INPP4B: variants seen among roughly 807,000 people sequenced by gnomAD.
INPP4B encodes inositol polyphosphate 4-phosphatase type II.
In INPP4B, 55 loss-of-function variants were observed where a neutral mutation model predicts 122.5. The observed-to-expected ratio is 0.45, with a 90% confidence interval of 0.36 to 0.56. The LOEUF is 0.56. Among genes scored for constraint, INPP4B ranks in the 20% least tolerant of loss-of-function variants. The pLI, the probability that INPP4B is intolerant of heterozygous loss-of-function variation, is 0.00. For synonymous variants in INPP4B, 403 were observed against 388.7 expected, an observed-to-expected ratio of 1.04 and a Z score of -0.43; for missense variants, 1,000 against 1,097.7, an observed-to-expected ratio of 0.91 and a Z score of 1.26.
chr4:142,248,217 C>T (rs577046797), intron 11 of INPP4B, among the ~76,000 whole-genome samples: 3 of 152,172 alleles, frequency 2.0e-5, no homozygotes, highest in East Asian at 1.9e-4. Context: ...CATCTATATC[C>T]AGACTCCAAG....
intron 10 of INPP4B, among the ~76,000 whole-genome samples, chr4:142,264,135 C>T (rs1323179999): frequency 6.6e-6 from 1 of 151,976 alleles, no homozygotes; most frequent in Non-Finnish European, 1.5e-5. Context: ...TAAATAGGGT[C>T]GCTTTGTTGC....
At chr4:142,741,188 C>A (rs920198837) in intron 1 of INPP4B, among the ~76,000 whole-genome samples, 53 of 151,866 alleles carry the variant, frequency 3.5e-4, no homozygotes, top group African/African-American at 1.2e-3. Flanking sequence ...GTAATTTATA[C>A]AGAAAAGAGA....
At chr4:142,450,777 T>G (rs1813970710) in intron 3 of INPP4B, among the ~76,000 whole-genome samples, 2 of 152,180 alleles carry the variant, frequency 1.3e-5, no homozygotes, top group Non-Finnish European at 2.9e-5. Context: ...AACACAGATG[T>G]GTACTGGAGT....
intron 6 of INPP4B, 74 bp downstream of exon 6, chr4:142,405,132 A>C: frequency 1.2e-6 from 1 of 803,176 alleles, no homozygotes; most frequent in Non-Finnish European, 2.1e-6. Context: ...GGGGAGGGAG[A>C]GAGAGAGCAA....
intron 7 of INPP4B, among the ~76,000 whole-genome samples, chr4:142,391,609 CA>C (rs1046773697): frequency 1.3e-5 from 2 of 151,592 alleles, no homozygotes; most frequent in Admixed American, 1.3e-4. Flanking sequence ...AACAAACAAA[CA>C]AAAAAAACCA....
intron 12 of INPP4B, among the ~76,000 whole-genome samples, chr4:142,226,514 CT>C (rs1231559842): frequency 2.0e-5 from 3 of 152,148 alleles, no homozygotes; most frequent in African/African-American, 7.2e-5. Flanking sequence ...CTACTCTTCC[CT>C]TCCTAAAAGA....
At chr4:142,794,349 T>G (rs1776951115) in intron 1 of INPP4B, among the ~76,000 whole-genome samples, 1 of 151,872 alleles carries the variant, frequency 6.6e-6, no homozygotes, top group African/African-American at 2.4e-5. Flanking sequence ...CAAAGACATA[T>G]GGAAGCTTGA....
chr4:142,398,124 C>T (rs1799968293), intron 7 of INPP4B, among the ~76,000 whole-genome samples: 2 of 151,110 alleles, frequency 1.3e-5, no homozygotes, highest in African/African-American at 4.9e-5. Context: ...GCCTGTAATC[C>T]CAGCACTTGG....
intron 11 of INPP4B, among the ~76,000 whole-genome samples, chr4:142,255,030 A>C (rs1464197690): frequency 2.0e-5 from 3 of 152,200 alleles, no homozygotes; most frequent in African/African-American, 7.2e-5. Flanking sequence ...ACAAGCCAGA[A>C]GAGAGTGGGG....
intron 1 of INPP4B, among the ~76,000 whole-genome samples, chr4:142,756,294 A>G (rs1770509803): frequency 6.6e-6 from 1 of 152,246 alleles, no homozygotes; most frequent in Non-Finnish European, 1.5e-5. Context: ...ATGAAAATAA[A>G]GTAAGATTTT....
intron 2 of INPP4B, among the ~76,000 whole-genome samples, chr4:142,466,806 C>T (rs1046010622): frequency 6.6e-6 from 1 of 152,154 alleles, no homozygotes; most frequent in African/African-American, 2.4e-5. Flanking sequence ...GCCCCATTGC[C>T]CTGATCCGCC....
chr4:142,629,972 T>A (rs1325187763), intron 2 of INPP4B, among the ~76,000 whole-genome samples: 2 of 152,098 alleles, frequency 1.3e-5, no homozygotes, highest in Admixed American at 6.6e-5. Context: ...AAGACAGGCA[T>A]AGGGCCTACA....
At chr4:142,807,704 C>T (rs1779030164) in intron 1 of INPP4B, among the ~76,000 whole-genome samples, 1 of 152,128 alleles carries the variant, frequency 6.6e-6, no homozygotes, top group African/African-American at 2.4e-5. Flanking sequence ...CAGCAACATG[C>T]ACAGTAAATT....
intron 3 of INPP4B, among the ~76,000 whole-genome samples, chr4:142,443,401 GA>G (rs1812241235): frequency 6.6e-6 from 1 of 152,096 alleles, no homozygotes; most frequent in Admixed American, 6.6e-5. Flanking sequence ...CTTTCCTACA[GA>G]ACAAAAATGA....
chr4:142,240,310 G>A (rs1335354596), intron 11 of INPP4B, among the ~76,000 whole-genome samples: 1 of 151,882 alleles, frequency 6.6e-6, no homozygotes, highest in Non-Finnish European at 1.5e-5. Flanking sequence ...TCAAAATGCT[G>A]AGATTACAGG....
At chr4:142,191,599 G>A (rs1215368715) in intron 15 of INPP4B, among the ~76,000 whole-genome samples, 2 of 152,146 alleles carry the variant, frequency 1.3e-5, no homozygotes, top group Non-Finnish European at 2.9e-5. Context: ...CCCCTGCAGA[G>A]CCCATGGTTG....
At chr4:142,480,012 G>T (rs1820317255) in intron 2 of INPP4B, among the ~76,000 whole-genome samples, 2 of 152,066 alleles carry the variant, frequency 1.3e-5, no homozygotes, top group South Asian at 4.1e-4. Flanking sequence ...AGTATTAATT[G>T]CAGTTGAAAT....
At chr4:142,332,690 C>G (rs894283957) in intron 7 of INPP4B, among the ~76,000 whole-genome samples, 1 of 151,884 alleles carries the variant, frequency 6.6e-6, no homozygotes, top group Non-Finnish European at 1.5e-5. Context: ...TGTGCCTAGA[C>G]AATGCTTTCT....
chr4:142,024,855 T>C lies in INPP4B; in HGVS notation c.*3927A>G, dbSNP rs532161592. On this transcript the variant is annotated 3_prime_UTR_variant, in exon 26 of 26. Coordinates refer to ENST00000262992, the MANE Select transcript of INPP4B (RefSeq NM_001101669.3). The stretch of plus-strand genomic sequence containing the variant: ...AGTTATTGCTTAGACTACAGTTGAA[T>C]TGCTAAGAATTCTCTGGCAAAGCAT... 15 of 152,304 alleles carry C rather than the reference T, an allele frequency of 9.8e-5. No homozygotes were observed. The South Asian group carries it at 2.5e-3, about 25-fold the overall frequency. 9.4% of individuals were successfully genotyped at this position (152,304 alleles called of 1,614,324 possible). A position where few individuals can be genotyped will look rare whatever the true frequency, so the allele number is the denominator to read the frequency against.
Sources: gnomAD v4.1 joint callset for allele counts (sites outside exome capture counted in the v4.1 genomes callset) on GRCh38, gnomAD v4.1.1 for gene constraint, MANE v1.5 for transcripts, NCBI Gene and HGNC (gene_info 2026-07-23, HGNC 2026-07-21) for gene names.